MED27: variants seen among roughly 807,000 people sequenced by gnomAD.
The protein encoded by MED27 is mediator of RNA polymerase II transcription subunit 27.
In MED27, 30 loss-of-function variants were observed where a neutral mutation model predicts 38.2. The ratio of observed to expected loss-of-function variants is 0.79; its 90% CI spans 0.59 to 1.07. The LOEUF is 1.07. Among genes scored for constraint, MED27 ranks in the 50% least tolerant of loss-of-function variants. MED27 has a pLI of 0.00. For missense variants in MED27, 289 were observed against 397.5 expected, an observed-to-expected ratio of 0.73 and a Z score of 2.32; for synonymous variants, 122 against 153.5, an observed-to-expected ratio of 0.79 and a Z score of 1.52.
chr9:131,996,591 C>T (rs1304025135), intron 3 of MED27, among the ~76,000 whole-genome samples: 1 of 152,210 alleles, frequency 6.6e-6, no homozygotes, highest in Non-Finnish European at 1.5e-5. Flanking sequence ...AACTGAGCAA[C>T]ACAGGATAGC....
chr9:131,881,035 T>C (rs1839027275), intron 6 of MED27, among the ~76,000 whole-genome samples: 1 of 152,166 alleles, frequency 6.6e-6, no homozygotes, highest in Non-Finnish European at 1.5e-5. Flanking sequence ...CAAGAAGTCA[T>C]CATTGGCCTT....
chr9:131,862,960 G>A lies in MED27; in HGVS notation c.801+103C>T, dbSNP rs1838676349. On this transcript the variant is annotated intron_variant, in intron 7 of 7. Transcript: ENST00000292035. This position sits in a 1 kb window ranked among gnomAD's most constrained non-coding sequence, Gnocchi z 4.6. The stretch of plus-strand genomic sequence containing the variant: ...TGGCAGCCCCATCTCCCACTGGGAG[G>A]CCCTCAAAGTCTGAAGATGCAACGG... 1.1e-6 allele frequency: 1 copy of A among 902,820 alleles called. No homozygotes were observed. Among genetic ancestry groups the A allele is most frequent in the Admixed American group, 2.2e-5 (1 of 46,084 alleles). 55.9% of individuals were successfully genotyped at this position (902,820 alleles called of 1,614,324 possible). A position where few individuals can be genotyped will look rare whatever the true frequency, so the allele number is the denominator to read the frequency against.
intron 3 of MED27, among the ~76,000 whole-genome samples, chr9:131,966,383 C>CA (rs749607968): frequency 0.015 from 544 of 36,760 alleles, 45 homozygotes; most frequent in East Asian, 0.13. Context: ...GACCCTGTCA[C>CA]AAAAAAAAAA....
chr9:132,002,549 T>C (rs931061657), intron 3 of MED27, among the ~76,000 whole-genome samples: 1 of 152,126 alleles, frequency 6.6e-6, no homozygotes, highest in African/African-American at 2.4e-5. Flanking sequence ...CTTATAACCC[T>C]AACCAGGGAC....
chr9:131,986,194 AC>A (rs1367889263), intron 3 of MED27, among the ~76,000 whole-genome samples: 3 of 152,234 alleles, frequency 2.0e-5, no homozygotes, highest in African/African-American at 7.2e-5. Context: ...GCTTGAGTGT[AC>A]AGTGTCTGTA....
chr9:131,908,874 TAAA>T (rs34481836), intron 4 of MED27, among the ~76,000 whole-genome samples: 11 of 137,038 alleles, frequency 8.0e-5, no homozygotes, highest in Non-Finnish European at 9.4e-5. Flanking sequence ...AATGATCAAT[TAAA>T]AAAAAAAAAA....
intron 2 of MED27, among the ~76,000 whole-genome samples, chr9:132,050,092 C>T (rs1173579967): frequency 1.8e-4 from 27 of 152,142 alleles, no homozygotes; most frequent in Admixed American, 1.8e-3. Context: ...GTAATCCGAA[C>T]AATCCGTCAC....
Position 131,860,659 on chromosome 9 carries a change from C to A in MED27, c.815G>T (p.Ser272Ile). Residue 272 changes from serine (S) to isoleucine (I), a missense_variant, in exon 8 of 8, where the codon AGT becomes ATT. Coordinates refer to ENST00000292035, the MANE Select transcript of MED27 (RefSeq NM_004269.4). The surrounding 1 kb of genome is among the most constrained non-coding windows in gnomAD (Gnocchi z 5.8). Reference sequence around the variant, plus strand: ...CGGGGCCTGGAACAGCTTTATGTAACTTCTTAACCAGGTCTAAAAAGAGAA... The same window carrying A: ...CGGGGCCTGGAACAGCTTTATGTAAATTCTTAACCAGGTCTAAAAAGAGAA... ...VVRSFMTWLR[S>I]YIKLFQAPCQ... The A allele has an allele frequency of 6.2e-7, 1 of 1,613,366 alleles. No homozygotes were observed. Among genetic ancestry groups the A allele is most frequent in the Non-Finnish European group, 8.5e-7 (1 of 1,179,730 alleles).
chr9:132,005,736 T>C (rs1292255992), intron 3 of MED27, among the ~76,000 whole-genome samples: 1 of 152,144 alleles, frequency 6.6e-6, no homozygotes, highest in Non-Finnish European at 1.5e-5. Context: ...TACGGATAAA[T>C]ATCTGGGATA....
At chr9:131,984,914 TA>T (rs748840279) in intron 3 of MED27, among the ~76,000 whole-genome samples, 3 of 152,192 alleles carry the variant, frequency 2.0e-5, no homozygotes, top group Non-Finnish European at 4.4e-5. Context: ...CAACCTTATC[TA>T]GTATTTCTAT....
chr9:131,863,315 G>A (rs3802352), intron 6 of MED27, among the ~76,000 whole-genome samples, 175 bp from the exon 7 acceptor site: 1 of 152,230 alleles, frequency 6.6e-6, no homozygotes, highest in Non-Finnish European at 1.5e-5. Flanking sequence ...GGACCCAGAG[G>A]GGGAGAAGAG....
Position 132,027,302 on chromosome 9 carries a change from T to C in MED27, c.349-12835A>G, listed in dbSNP as rs563389045. Reference sequence around the variant, plus strand: ...GGAGCCGTGTCCACAACCAGGCCTCTTAGAGACCAGAATGCAGCCCACCGC... The same window carrying C: ...GGAGCCGTGTCCACAACCAGGCCTCCTAGAGACCAGAATGCAGCCCACCGC... On this transcript the variant is annotated intron_variant, in intron 2 of 7. Transcript: ENST00000292035. 4.4e-3 allele frequency among the ~76,000 whole-genome samples: 664 copies of C among 152,326 alleles called. 8 individuals are homozygous for C. The highest frequency in any genetic ancestry group is 2.8e-3 in the Non-Finnish European group (189 of 68,030).
chr9:131,995,546 A>G (rs934257231), intron 3 of MED27, among the ~76,000 whole-genome samples: 3 of 152,202 alleles, frequency 2.0e-5, no homozygotes, highest in African/African-American at 7.2e-5. Context: ...CAACAGAAAT[A>G]GACACGCCTT....
intron 4 of MED27, among the ~76,000 whole-genome samples, chr9:131,898,836 T>G (rs1455198972): frequency 1.3e-5 from 2 of 151,246 alleles, no homozygotes; most frequent in African/African-American, 4.9e-5. Flanking sequence ...CCTCCCACCT[T>G]GGCCTCCCAA....
rs1050874805 is a variant in MED27, at chr9:131,872,297, A to G, written c.724-9157T>C. Among the ~76,000 whole-genome samples the G allele has an allele frequency of 6.6e-6, 1 of 152,214 alleles. No individual in the cohort carries two copies. The highest frequency in any genetic ancestry group is 1.5e-5 in the Non-Finnish European group (1 of 68,036). ...GAGCTTGAACAGAGACGCTCTTCCT[A>G]ACGCACCTGCTGAGGGCATTATCTG... is the stretch of plus-strand genomic sequence containing the variant. On this transcript the variant is annotated intron_variant, in intron 6 of 7. Transcript: ENST00000292035. This position sits in a 1 kb window ranked among gnomAD's most constrained non-coding sequence, Gnocchi z 5.6.
At chr9:131,888,975 A>G (rs937899807) in intron 5 of MED27, among the ~76,000 whole-genome samples, 2 of 152,216 alleles carry the variant, frequency 1.3e-5, no homozygotes, top group African/African-American at 4.8e-5. Flanking sequence ...ATATGAATTA[A>G]ACTGGATTCC....
At chr9:131,892,406 G>C (rs1463269411) in intron 5 of MED27, among the ~76,000 whole-genome samples, 1 of 152,190 alleles carries the variant, frequency 6.6e-6, no homozygotes, top group Admixed American at 6.5e-5. Context: ...ATTAAATAGA[G>C]TGTTAAAGGT....
At chr9:132,054,195 G>A (rs993475452) in intron 2 of MED27, among the ~76,000 whole-genome samples, 2 of 152,060 alleles carry the variant, frequency 1.3e-5, no homozygotes, top group Admixed American at 6.6e-5. Context: ...TGAGCGGGGC[G>A]GATCCCTCAT....
chr9:131,932,544 C>T lies in MED27; in HGVS notation c.573+6837G>A, dbSNP rs9411420. Reference sequence around the variant, plus strand: ...AAACGGATAAATTCATAGACACATACAACCTACCGAGACTGAACCATGAAG... The same window carrying T: ...AAACGGATAAATTCATAGACACATATAACCTACCGAGACTGAACCATGAAG... On this transcript the variant is annotated intron_variant, in intron 4 of 7. Transcript: ENST00000292035. Among the ~76,000 whole-genome samples, 42 of 151,936 alleles carry T rather than the reference C, an allele frequency of 2.8e-4. 1 individual carries two copies. The highest frequency in any genetic ancestry group is 6.8e-3 in the Middle Eastern group (2 of 294).
Sources: allele counts gnomAD v4.1 joint callset (sites outside exome capture counted in the v4.1 genomes callset), GRCh38; gene constraint gnomAD v4.1.1; non-coding constraint Gnocchi (gnomAD v3.1); transcripts MANE v1.5; gene names NCBI Gene and HGNC (gene_info 2026-07-23, HGNC 2026-07-21).